The following ARB2A variants were observed in gnomAD, a reference collection of about 807,000 sequenced individuals.
ARB2A encodes the protein ARB2 cotranscriptional regulator A, also known as cotranscriptional regulator ARB2A.
the ARB2A span, among the ~76,000 whole-genome samples, chr5:93,789,536 T>G: frequency 6.6e-6 from 1 of 152,250 alleles, no homozygotes; most frequent in African/African-American, 2.4e-5. Flanking sequence ...CATTCAGTGC[T>G]TCTACTTCAG....
the ARB2A span, among the ~76,000 whole-genome samples, chr5:94,038,947 C>G: frequency 1.3e-5 from 2 of 152,140 alleles, no homozygotes; most frequent in Admixed American, 6.5e-5. Flanking sequence ...CAAATTTCCA[C>G]TATCCTCTGT....
chr5:94,089,901 T>C, the ARB2A span, among the ~76,000 whole-genome samples: 2 of 152,186 alleles, frequency 1.3e-5, no homozygotes, highest in Non-Finnish European at 2.9e-5. Flanking sequence ...TCTTTCCCTT[T>C]CAAAACGACT....
chr5:94,099,360 C>T, the ARB2A span, among the ~76,000 whole-genome samples: 1 of 152,006 alleles, frequency 6.6e-6, no homozygotes, highest in Admixed American at 6.6e-5. Context: ...CACGGTGGCT[C>T]ATGCCTGTAA....
At chr5:93,975,412 T>G in the ARB2A span, among the ~76,000 whole-genome samples, 2 of 151,168 alleles carry the variant, frequency 1.3e-5, no homozygotes, top group Non-Finnish European at 2.9e-5. Context: ...CAAATTAAAT[T>G]CAAAGCTGGT....
At chr5:93,966,840 G>A in the ARB2A span, among the ~76,000 whole-genome samples, 2 of 151,888 alleles carry the variant, frequency 1.3e-5, no homozygotes, top group African/African-American at 2.4e-5. Flanking sequence ...CTCGAATATC[G>A]TTACCTGTCT....
the ARB2A span, among the ~76,000 whole-genome samples, chr5:93,667,784 A>T: frequency 4.6e-5 from 7 of 152,226 alleles, no homozygotes; most frequent in Non-Finnish European, 8.8e-5. Flanking sequence ...TCAAGCCACA[A>T]TTTAGCTAGT....
chr5:93,815,174 T>G, the ARB2A span, among the ~76,000 whole-genome samples: 10 of 151,996 alleles, frequency 6.6e-5, no homozygotes, highest in Non-Finnish European at 1.3e-4. Context: ...AAGTCAAACT[T>G]TTGTGGTTCT....
At chr5:94,091,958 C>G in the ARB2A span, among the ~76,000 whole-genome samples, 2 of 152,062 alleles carry the variant, frequency 1.3e-5, no homozygotes, top group East Asian at 3.9e-4. Context: ...AAATACTTTC[C>G]AAAACCAAGC....
the ARB2A span, among the ~76,000 whole-genome samples, chr5:93,904,979 G>T: frequency 7.3e-5 from 11 of 151,566 alleles, no homozygotes; most frequent in Non-Finnish European, 3.0e-5. Context: ...AGACTACAGA[G>T]GAACAAAACA....
chr5:93,771,515 G>C, the ARB2A span, among the ~76,000 whole-genome samples: 1 of 151,748 alleles, frequency 6.6e-6, no homozygotes, highest in Non-Finnish European at 1.5e-5. Context: ...AGAGTGAACA[G>C]GCAACCTACA....
the ARB2A span, chr5:93,741,670 G>T: frequency 7.5e-7 from 1 of 1,329,648 alleles, no homozygotes; most frequent in Non-Finnish European, 1.0e-6. Context: ...CGGAGAAGGC[G>T]TTACAAGCCA....
the ARB2A span, among the ~76,000 whole-genome samples, chr5:94,067,911 C>T: frequency 6.6e-6 from 1 of 152,164 alleles, no homozygotes; most frequent in South Asian, 2.1e-4. Context: ...GCTAACCTGA[C>T]TTCGAAATAC....
chr5:93,997,628 A>G, the ARB2A span, among the ~76,000 whole-genome samples: 1 of 152,004 alleles, frequency 6.6e-6, no homozygotes, highest in African/African-American at 2.4e-5. Flanking sequence ...TAACTCCTGG[A>G]AAAAGTTATG....
the ARB2A span, among the ~76,000 whole-genome samples, chr5:93,707,828 G>C: frequency 6.6e-6 from 1 of 151,988 alleles, no homozygotes; most frequent in African/African-American, 2.4e-5. Context: ...ACCCGCCTTG[G>C]CCTCCCAAAG....
the ARB2A span, among the ~76,000 whole-genome samples, chr5:93,867,237 AGATTCT>A: frequency 6.6e-6 from 1 of 152,310 alleles, no homozygotes; most frequent in Middle Eastern, 3.4e-3. Context: ...ACTTTGGTTC[AGATTCT>A]AAAGGAAAAA....
chr5:93,753,014 T>C, the ARB2A span, among the ~76,000 whole-genome samples: 2 of 152,168 alleles, frequency 1.3e-5, no homozygotes, highest in African/African-American at 2.4e-5. Flanking sequence ...TCAGAATATC[T>C]TCTGACTGCA....
At chr5:94,065,347 C>T in the ARB2A span, among the ~76,000 whole-genome samples, 5 of 152,260 alleles carry the variant, frequency 3.3e-5, no homozygotes, top group East Asian at 9.7e-4. Flanking sequence ...AACCCCATAT[C>T]TCCAAAAAAT....
the ARB2A span, among the ~76,000 whole-genome samples, chr5:93,653,745 G>C: frequency 6.6e-6 from 1 of 151,962 alleles, no homozygotes; most frequent in African/African-American, 2.4e-5. Flanking sequence ...ATAGTTTCTG[G>C]TTATCTTCAT....
chr5:93,671,714 GA>G, the ARB2A span, among the ~76,000 whole-genome samples: 1 of 151,654 alleles, frequency 6.6e-6, no homozygotes, highest in African/African-American at 2.4e-5. Context: ...AAGAGGATTG[GA>G]AAAAAAAGTT....
Sources: allele counts gnomAD v4.1 joint callset (sites outside exome capture counted in the v4.1 genomes callset), GRCh38; gene constraint gnomAD v4.1.1; transcripts MANE v1.5; gene names NCBI Gene and HGNC (gene_info 2026-07-23, HGNC 2026-07-21).